The following CERS3 variants were observed in gnomAD, a reference collection of about 807,000 sequenced individuals.
CERS3 encodes ceramide synthase 3, also known as LAG1 homolog, ceramide synthase 3.
CERS3 carries 33 observed loss-of-function variants against 50.3 expected under a neutral mutation model. That is an observed-to-expected ratio of 0.66 (90% CI 0.50 to 0.88). The LOEUF is 0.88. Among genes scored for constraint, CERS3 ranks in the 40% least tolerant of loss-of-function variants. CERS3 has a pLI of 0.00. For synonymous variants in CERS3, 176 were observed against 155.2 expected, an observed-to-expected ratio of 1.13 and a Z score of -0.99; for missense variants, 470 against 460.3, an observed-to-expected ratio of 1.02 and a Z score of -0.19.
intron 11 of CERS3, among the ~76,000 whole-genome samples, chr15:100,432,179 T>C (rs1045881076): frequency 2.0e-4 from 30 of 152,080 alleles, no homozygotes; most frequent in Admixed American, 1.3e-3. Flanking sequence ...GCAAACCTCC[T>C]GCCTCAGCCT....
intron 1 of CERS3, among the ~76,000 whole-genome samples, chr15:100,539,894 T>C (rs2037158684): frequency 1.3e-5 from 2 of 152,146 alleles, no homozygotes; most frequent in Admixed American, 6.5e-5. Context: ...ATTGCAGTCC[T>C]AGGAGGCTGT....
intron 3 of CERS3, among the ~76,000 whole-genome samples, chr15:100,499,372 C>A (rs1432755707): frequency 6.6e-6 from 1 of 152,124 alleles, no homozygotes; most frequent in Non-Finnish European, 1.5e-5. Flanking sequence ...CACACACACA[C>A]ACAAAAACAA....
chr15:100,499,569 A>G (rs535978857), intron 3 of CERS3, among the ~76,000 whole-genome samples: 1 of 152,378 alleles, frequency 6.6e-6, no homozygotes, highest in Non-Finnish European at 1.5e-5. Flanking sequence ...CTAAAGGACA[A>G]TAATGAACCA....
At chr15:100,415,658 G>A (rs1567594747) in intron 11 of CERS3, among the ~76,000 whole-genome samples, 1 of 152,170 alleles carries the variant, frequency 6.6e-6, no homozygotes, top group Non-Finnish European at 1.5e-5. Flanking sequence ...GATGAAGCTG[G>A]AAGCCATCAT....
chr15:100,418,204 A>G (rs1370124241), intron 11 of CERS3, among the ~76,000 whole-genome samples: 1 of 152,124 alleles, frequency 6.6e-6, no homozygotes, highest in Non-Finnish European at 1.5e-5. Context: ...AAGAATGTGT[A>G]ACTAGAATAA....
At chr15:100,464,884 T>C (rs930570523) in intron 10 of CERS3, among the ~76,000 whole-genome samples, 3 of 152,164 alleles carry the variant, frequency 2.0e-5, no homozygotes, top group Non-Finnish European at 4.4e-5. Context: ...CCAACGTAAC[T>C]AACTCTTGCA....
rs1268425589 is a variant in CERS3 at position 100,479,457 on chromosome 15, A to G, written c.487T>C (p.Trp163Arg). The G allele has an allele frequency of 6.8e-6, 11 of 1,606,782 alleles. No individual in the cohort carries two copies. The highest frequency in any genetic ancestry group is 9.3e-6 in the Non-Finnish European group (11 of 1,177,544). Residue 163 changes from tryptophan to arginine, a missense_variant, in exon 7 of 12, where the codon TGG (tryptophan) becomes CGG (arginine). Coordinates refer to ENST00000679737, the MANE Select transcript of CERS3 (RefSeq NM_001378789.1). ...TTGGGATAGCCATTCCAAACCTCCC[A>G]TAAGTCATATAGCCAAGGTTTCTGA... The part of the protein sequence containing the change: ...LYDKPWLYDL[W>R]EVWNGYPKQP...
upstream of CERS3, among the ~76,000 whole-genome samples, chr15:100,533,132 T>A (rs1298417017): frequency 9.9e-5 from 15 of 152,202 alleles, no homozygotes; most frequent in Admixed American, 9.8e-4. Context: ...GAGAAGACCC[T>A]CTGCTGTCAA....
chr15:100,503,471 T>A (rs1004901310), intron 2 of CERS3, among the ~76,000 whole-genome samples: 1 of 151,880 alleles, frequency 6.6e-6, no homozygotes, highest in African/African-American at 2.4e-5. Context: ...TGCTAAGGAG[T>A]TTGGCATTTA....
chr15:100,539,880 T>C (rs1484142524), intron 1 of CERS3, among the ~76,000 whole-genome samples: 1 of 152,114 alleles, frequency 6.6e-6, no homozygotes, highest in African/African-American at 2.4e-5. Context: ...AAAGTGGTGC[T>C]GAGATTGCAG....
chr15:100,453,342 C>G (rs1271641482), intron 11 of CERS3, among the ~76,000 whole-genome samples: 1 of 151,970 alleles, frequency 6.6e-6, no homozygotes, highest in Non-Finnish European at 1.5e-5. Context: ...AAGGTTGGTT[C>G]AATATAAACA....
chr15:100,544,367 ACACGGGCCC>A (rs2037290230), intron 1 of CERS3: 2 of 118,112 alleles, frequency 1.7e-5, no homozygotes, highest in African/African-American at 2.8e-5. Context: ...CTGCGCGGGG[ACACGGGCCC>A]TCTCTCGGCC....
chr15:100,520,525 T>C (rs529252368), intron 2 of CERS3, among the ~76,000 whole-genome samples: 6 of 152,174 alleles, frequency 3.9e-5, no homozygotes, highest in African/African-American at 7.2e-5. Context: ...GCGAGCACTT[T>C]CTTTGTGAGC....
intron 11 of CERS3, among the ~76,000 whole-genome samples, chr15:100,441,264 C>T (rs2033670125): frequency 6.6e-6 from 1 of 151,552 alleles, no homozygotes; most frequent in Non-Finnish European, 1.5e-5. Context: ...TATTTCCATG[C>T]CCCAACCCCT....
intron 10 of CERS3, among the ~76,000 whole-genome samples, chr15:100,463,070 G>C (rs2142215324): frequency 6.6e-6 from 1 of 152,302 alleles, no homozygotes; most frequent in East Asian, 1.9e-4. Flanking sequence ...TGTGTGGTGG[G>C]GAAGTAGAGA....
intron 4 of CERS3, among the ~76,000 whole-genome samples, chr15:100,488,246 G>A (rs937179732): frequency 1.3e-4 from 20 of 152,214 alleles, no homozygotes; most frequent in African/African-American, 4.6e-4. Context: ...CATATGCATG[G>A]AAGTGTTTTG....
intron 2 of CERS3, among the ~76,000 whole-genome samples, chr15:100,519,478 T>C (rs1338755369): frequency 6.6e-6 from 1 of 152,198 alleles, no homozygotes; most frequent in Non-Finnish European, 1.5e-5. Flanking sequence ...CAGCTTCAAA[T>C]ATACCAGCTA....
At chr15:100,482,048 G>A (rs2035318429) in intron 5 of CERS3, among the ~76,000 whole-genome samples, 1 of 152,098 alleles carries the variant, frequency 6.6e-6, no homozygotes, top group Admixed American at 6.5e-5. Flanking sequence ...ATACCAATAG[G>A]TATAACACAC....
chr15:100,471,719 A>G (rs1567643125), intron 9 of CERS3, among the ~76,000 whole-genome samples: 1 of 152,250 alleles, frequency 6.6e-6, no homozygotes, highest in Admixed American at 6.5e-5. Flanking sequence ...CCTGAAGCAC[A>G]TATAATAATC....
Sources: allele counts gnomAD v4.1 joint callset (sites outside exome capture counted in the v4.1 genomes callset), GRCh38; gene constraint gnomAD v4.1.1; transcripts MANE v1.5; gene names NCBI Gene and HGNC (gene_info 2026-07-23, HGNC 2026-07-21).